SOX6: variants seen among roughly 807,000 people sequenced by gnomAD.
The protein encoded by SOX6 is SRY-box transcription factor 6, also known as transcription factor SOX-6.
Under a neutral mutation model 97.8 loss-of-function variants are expected in SOX6, and 11 were observed. The observed-to-expected ratio is 0.11, with a 90% CI of 0.07 to 0.19. The LOEUF is 0.19. SOX6 is among the 10% of genes least tolerant of loss of function. The probability of loss-of-function intolerance (pLI) is 1.00; values close to 1 mark genes in which losing one functional copy is unlikely to be tolerated. For synonymous variants in SOX6, 360 were observed against 371.4 expected (o/e 0.97, Z 0.35); for missense variants, 810 against 1,039.5 (o/e 0.78, Z 3.04).
chr11:16,491,543 G>C (rs1860510991), intron 4 of SOX6, among the ~76,000 whole-genome samples: 1 of 151,862 alleles, frequency 6.6e-6, no homozygotes, highest in Admixed American at 6.6e-5. Flanking sequence ...GTGTGTGTGT[G>C]CCTAATATAG....
chr11:16,011,550 A>G (rs1854726160), intron 13 of SOX6, among the ~76,000 whole-genome samples: 2 of 152,108 alleles, frequency 1.3e-5, no homozygotes, highest in Non-Finnish European at 2.9e-5. Context: ...ACACATCCAC[A>G]GCTGCCTCTT....
chr11:16,126,311 C>T (rs988443135), intron 6 of SOX6, among the ~76,000 whole-genome samples: 2 of 152,042 alleles, frequency 1.3e-5, no homozygotes, highest in African/African-American at 4.8e-5. Context: ...ATGAATGACA[C>T]AAAATCCAGT....
In SOX6 at chr11:15,980,140, C is replaced by T. The variant is rs80122554; in HGVS notation, c.2183+6064G>A. 6.3e-3 allele frequency among the ~76,000 whole-genome samples: 962 copies of T among 152,024 alleles called. 7 individuals carry two copies. Among genetic ancestry groups the T allele is most frequent in the African/African-American group, 0.021 (855 of 41,490 alleles). Reference sequence around the variant, plus strand: ...CTGTATGAAAATAACCATCTTTAGACGCTTGAATGGTTATTCTCATAAATA... The same window carrying T: ...CTGTATGAAAATAACCATCTTTAGATGCTTGAATGGTTATTCTCATAAATA... On this transcript the variant is annotated intron_variant, in intron 15 of 15. Transcript: ENST00000683767.
At chr11:16,173,909 G>A (rs759391274) in intron 6 of SOX6, among the ~76,000 whole-genome samples, 13 of 151,398 alleles carry the variant, frequency 8.6e-5, no homozygotes, top group Non-Finnish European at 1.5e-4. Context: ...GGAGTGCAGT[G>A]ATCATAGCTC....
chr11:16,208,866 T>C (rs1852142666), intron 4 of SOX6, among the ~76,000 whole-genome samples: 1 of 152,354 alleles, frequency 6.6e-6, no homozygotes, highest in Admixed American at 6.5e-5. Flanking sequence ...TTTAATATCA[T>C]GTAATAAAAT....
intron 9 of SOX6, among the ~76,000 whole-genome samples, chr11:16,068,296 G>A (rs938070351): frequency 1.3e-5 from 2 of 152,178 alleles, no homozygotes; most frequent in Non-Finnish European, 2.9e-5. Context: ...GTTAAGCTGT[G>A]AGAAAGTGGA....
chr11:16,613,702 A>G lies in SOX6; in HGVS notation n.430-1442T>C, dbSNP rs1848430584. 6.6e-6 allele frequency among the ~76,000 whole-genome samples: 1 copy of G among 152,164 alleles called. No homozygotes were observed. Among genetic ancestry groups the G allele is most frequent in the South Asian group, 2.1e-4 (1 of 4,826 alleles). On this transcript the variant is annotated intron_variant and non_coding_transcript_variant, in intron 3 of 5. Coordinates refer to the SOX6 transcript ENST00000524520. This position sits in a 1 kb window ranked among gnomAD's most constrained non-coding sequence, Gnocchi z 4.6. Reference sequence around the variant, plus strand: ...TGGCCGAACTCCTCATCTAAACGGAAGTCCCTTTACAGTCAATTCAGCCCG... The same window carrying G: ...TGGCCGAACTCCTCATCTAAACGGAGGTCCCTTTACAGTCAATTCAGCCCG...
At chr11:16,491,407 T>C (rs1232070326) in intron 4 of SOX6, among the ~76,000 whole-genome samples, 3 of 152,134 alleles carry the variant, frequency 2.0e-5, no homozygotes, top group African/African-American at 7.2e-5. Context: ...CTACACTATG[T>C]CATGGATTGG....
chr11:16,155,297 C>T (rs1333088237), intron 6 of SOX6, among the ~76,000 whole-genome samples: 2 of 152,106 alleles, frequency 1.3e-5, no homozygotes, highest in Non-Finnish European at 2.9e-5. Context: ...AGGTCTTCCA[C>T]TTATTAACTG....
chr11:16,447,194 A>G lies in SOX6; in HGVS notation c.-5+29121T>C, dbSNP rs1001053166. Reference sequence around the variant, plus strand: ...AATACAACTCTTCACAAAAAATTAAAAATTACTTTAAAAAATTAAGTAATT... The same window carrying G: ...AATACAACTCTTCACAAAAAATTAAGAATTACTTTAAAAAATTAAGTAATT... On this transcript the variant is annotated intron_variant, in intron 1 of 15. Coordinates refer to the SOX6 transcript ENST00000396356. 6.6e-5 allele frequency among the ~76,000 whole-genome samples: 10 copies of G among 152,272 alleles called. No homozygotes were observed. In the East Asian group the frequency reaches 1.9e-3, roughly 29 times the overall value.
chr11:16,261,155 C>G (rs1853880798), intron 3 of SOX6, among the ~76,000 whole-genome samples: 1 of 152,134 alleles, frequency 6.6e-6, no homozygotes, highest in Admixed American at 6.6e-5. Flanking sequence ...CATCAATCTT[C>G]TCTATCAGAC....
rs147653544 is a variant in SOX6 at position 16,608,742 on chromosome 11, T to C, written n.609+3339A>G. ...ACATGTACAAATCACCAAAAAATTA[T>C]TACACTTTCACGGCAATAAATAAAA... On this transcript the variant is annotated intron_variant and non_coding_transcript_variant, in intron 4 of 5. Transcript: ENST00000524520. Among the ~76,000 whole-genome samples the C allele has an allele frequency of 3.6e-3, 555 of 152,338 alleles. 4 individuals are homozygous for C. The highest frequency in any genetic ancestry group is 0.012 in the African/African-American group (483 of 41,578).
chr11:16,699,020 G>C (rs1314957230), intron 3 of SOX6, among the ~76,000 whole-genome samples: 1 of 152,176 alleles, frequency 6.6e-6, no homozygotes, highest in African/African-American at 2.4e-5. Flanking sequence ...TGACAGACTT[G>C]CTGAATACTG....
intron 4 of SOX6, among the ~76,000 whole-genome samples, chr11:16,509,230 A>G (rs72873385): frequency 0.015 from 2,296 of 151,998 alleles, 19 homozygotes; most frequent in Non-Finnish European, 0.025. Context: ...AAATAAATTT[A>G]TTTCAGAAAT....
chr11:15,989,553 A>T (rs1327093310), intron 13 of SOX6, among the ~76,000 whole-genome samples: 2 of 152,172 alleles, frequency 1.3e-5, no homozygotes, highest in Non-Finnish European at 2.9e-5. Flanking sequence ...CTTCAAAAAC[A>T]TGCTCTTACT....
chr11:15,986,654 T>C (rs1375524583), intron 14 of SOX6, among the ~76,000 whole-genome samples: 1 of 152,220 alleles, frequency 6.6e-6, no homozygotes, highest in Non-Finnish European at 1.5e-5. Flanking sequence ...GCTACTATAG[T>C]ATTTTAAAAT....
At chr11:16,611,584 G>A (rs1590008020) in intron 4 of SOX6, among the ~76,000 whole-genome samples, 1 of 152,330 alleles carries the variant, frequency 6.6e-6, no homozygotes, top group East Asian at 1.9e-4. Flanking sequence ...CACTTCAGCT[G>A]CCCATCGCAC....
At chr11:16,418,929 T>C (rs1858975831) in intron 1 of SOX6, among the ~76,000 whole-genome samples, 1 of 152,148 alleles carries the variant, frequency 6.6e-6, no homozygotes, top group Non-Finnish European at 1.5e-5. Flanking sequence ...CCTATTTCTC[T>C]GAACAGTAGA....
intron 3 of SOX6, among the ~76,000 whole-genome samples, chr11:16,285,013 T>C (rs553894275): frequency 1.3e-5 from 2 of 152,274 alleles, no homozygotes; most frequent in East Asian, 1.9e-4. Flanking sequence ...AATTAGATTA[T>C]AAATTATAAT....
Sources: gnomAD v4.1 joint callset for allele counts (sites outside exome capture counted in the v4.1 genomes callset) on GRCh38, gnomAD v4.1.1 for gene constraint, Gnocchi (gnomAD v3.1) non-coding constraint, MANE v1.5 for transcripts, NCBI Gene and HGNC (gene_info 2026-07-23, HGNC 2026-07-21) for gene names.